The following YTHDC2 variants were observed in gnomAD, a reference collection of about 807,000 sequenced individuals.
The protein encoded by YTHDC2 is 3'-5' RNA helicase YTHDC2.
In YTHDC2, 45 loss-of-function variants were observed where a neutral mutation model predicts 174.9. The ratio of observed to expected loss-of-function variants is 0.26; its 90% CI spans 0.20 to 0.33. YTHDC2 has a LOEUF of 0.33. Among genes scored for constraint, YTHDC2 ranks in the 10% least tolerant of loss-of-function variants. YTHDC2 has a pLI of 1.00. For synonymous variants in YTHDC2, 657 were observed against 574.5 expected (o/e 1.14, Z -2.05); for missense variants, 1,650 against 1,723.7 (o/e 0.96, Z 0.76).
chr5:113,561,609 C>T (rs925132749), intron 18 of YTHDC2, among the ~76,000 whole-genome samples: 3 of 151,674 alleles, frequency 2.0e-5, no homozygotes, highest in African/African-American at 7.3e-5. Flanking sequence ...GCTGGGATTA[C>T]AGGCGCCCAC....
Position 113,566,000 on chromosome 5 carries a change from T to C in YTHDC2, c.2823T>C (p.Leu941=), listed in dbSNP as rs1364972553. ...TCATAGGCATGAGAACACAGTTGCT[T>C]GGTCAACTTAGAGCATCAGGTAAAG... ...EIIIGMRTQL[L]GQLRASGFVR... Residue 941 remains leucine (L), a synonymous_variant, in exon 21 of 30, where the codon CTT becomes CTC. Transcript: ENST00000161863. 1 of 1,610,322 alleles carries C rather than the reference T, an allele frequency of 6.2e-7. No individual in the cohort carries two copies. The highest frequency in any genetic ancestry group is 8.5e-7 in the Non-Finnish European group (1 of 1,178,502).
intron 23 of YTHDC2, among the ~76,000 whole-genome samples, chr5:113,568,114 A>T (rs1264819257): frequency 6.6e-6 from 1 of 152,134 alleles, no homozygotes; most frequent in Non-Finnish European, 1.5e-5. Context: ...TTGAATTTAA[A>T]TGATAGTTTA....
intron 14 of YTHDC2, 29 bp downstream of exon 14, chr5:113,553,715 T>G (rs780898817): frequency 2.5e-6 from 4 of 1,613,084 alleles, no homozygotes; most frequent in Non-Finnish European, 3.4e-6. Flanking sequence ...TATCTGTTGC[T>G]TAAAATAACG....
intron 10 of YTHDC2, among the ~76,000 whole-genome samples, chr5:113,544,718 A>T (rs1445507190): frequency 6.6e-6 from 1 of 151,236 alleles, no homozygotes; most frequent in East Asian, 1.9e-4. Flanking sequence ...GGCTGACTGT[A>T]CCTATTACTT....
intron 4 of YTHDC2, among the ~76,000 whole-genome samples, chr5:113,530,993 A>G (rs949608143): frequency 6.6e-6 from 1 of 151,698 alleles, no homozygotes; most frequent in Non-Finnish European, 1.5e-5. Flanking sequence ...CCGCCCCCCA[A>G]CTCCTTCTCT....
At chr5:113,552,019 T>A (rs1776281645) in intron 12 of YTHDC2, among the ~76,000 whole-genome samples, 1 of 152,110 alleles carries the variant, frequency 6.6e-6, no homozygotes, top group South Asian at 2.1e-4. Context: ...TAGTATAGAA[T>A]TTTCTAATTA....
chr5:113,567,944 T>C, intron 23 of YTHDC2, 95 bp downstream of exon 23: 2 of 993,460 alleles, frequency 2.0e-6, no homozygotes, highest in East Asian at 2.9e-5. Context: ...AATGAAATTA[T>C]AAAGATTTAT....
intron 4 of YTHDC2, among the ~76,000 whole-genome samples, chr5:113,532,630 T>G (rs1216643725): frequency 6.6e-6 from 1 of 152,234 alleles, no homozygotes; most frequent in Non-Finnish European, 1.5e-5. Context: ...TTTTATAATC[T>G]TCATGTAAAC....
chr5:113,570,946 C>G (rs1041228174), intron 23 of YTHDC2, among the ~76,000 whole-genome samples: 1 of 152,204 alleles, frequency 6.6e-6, no homozygotes. Flanking sequence ...AGCCACTGCA[C>G]CCACCCGACG....
intron 27 of YTHDC2, 63 bp from the exon 28 acceptor site, chr5:113,591,933 A>G (rs956726396): frequency 1.0e-4 from 130 of 1,241,682 alleles, no homozygotes; most frequent in Non-Finnish European, 1.2e-4. Context: ...TTCTCAGATA[A>G]ATTAAATTTA....
At position 113,532,867 on chromosome 5, in the gene YTHDC2, C is replaced by CTTT; in HGVS notation, c.676-10_676-8dup. ...TCATGTCATCTTACAGTTTTTAAAA[C>CTTT]TTTTGTTTCAGATTCCTCAGTTCCT... On this transcript the variant is annotated splice_polypyrimidine_tract_variant and intron_variant, in intron 4 of 29. Transcript: ENST00000161863. The CTTT allele has an allele frequency of 6.3e-7, 1 of 1,594,538 alleles. No homozygotes were observed. The highest frequency in any genetic ancestry group is 1.1e-5 in the South Asian group (1 of 88,274).
chr5:113,530,898 A>G (rs1774610703), intron 4 of YTHDC2, among the ~76,000 whole-genome samples: 2 of 152,138 alleles, frequency 1.3e-5, no homozygotes, highest in Admixed American at 6.5e-5. Flanking sequence ...CTCAATTTGT[A>G]TTCATCTGAG....
At chr5:113,570,378 A>G (rs1777639364) in intron 23 of YTHDC2, among the ~76,000 whole-genome samples, 1 of 152,142 alleles carries the variant, frequency 6.6e-6, no homozygotes, top group African/African-American at 2.4e-5. Context: ...CTGCAATTAC[A>G]GGCGTGAGCT....
At position 113,524,981 on chromosome 5, in the gene YTHDC2, A is replaced by G; in HGVS notation, c.279A>G (p.Gly93=). Residue 93 remains glycine (G), a splice_region_variant and synonymous_variant, in exon 3 of 30, where the codon GGA becomes GGG. Coordinates refer to ENST00000161863, the MANE Select transcript of YTHDC2 (RefSeq NM_022828.5). ...QSLGLVSKSK[G]KGANRYLTVK... is the part of the protein sequence containing the mutation. ...ATAAATGATTTTTATTAATATTCAG[A>G]AAGGGAGCAAATAGATACCTAACTG... 6.3e-7 allele frequency: 1 copy of G among 1,586,236 alleles called. No individual in the cohort carries two copies. The highest frequency in any genetic ancestry group is 8.5e-7 in the Non-Finnish European group (1 of 1,169,646).
At chr5:113,543,449 T>A (rs571644715) in intron 10 of YTHDC2, among the ~76,000 whole-genome samples, 1 of 152,350 alleles carries the variant, frequency 6.6e-6, no homozygotes, top group African/African-American at 2.4e-5. Flanking sequence ...CACTTTTCAC[T>A]TCCCCTACTG....
rs1405864191 is a variant in YTHDC2, at chr5:113,563,432, T to A, written c.2382T>A (p.Leu794=). ...APVNCPIADF[L]MKAPEPPPAL... ...TTAATTGTCCCATTGCTGATTTTCT[T>A]ATGAAAGCTCCTGAACCTCCACCAG... The change falls in exon 19 of 30, where the codon CTT becomes CTA. Residue 794 remains leucine (L), a synonymous_variant. Coordinates refer to ENST00000161863, the MANE Select transcript of YTHDC2 (RefSeq NM_022828.5). 6.2e-7 allele frequency: 1 copy of A among 1,611,506 alleles called. No homozygotes were observed. Among genetic ancestry groups the A allele is most frequent in the Non-Finnish European group, 8.5e-7 (1 of 1,178,522 alleles).
At position 113,592,336 on chromosome 5, in the gene YTHDC2, A is replaced by C. The variant is rs773036709; in HGVS notation, c.4212+158A>C. On this transcript the variant is annotated intron_variant, in intron 28 of 29. Coordinates refer to ENST00000161863, the MANE Select transcript of YTHDC2 (RefSeq NM_022828.5). ...GTTTGTAAAAAGATAGTAAAAACCT[A>C]CTTGTAAATGTGTCTGATTGCTCCT... is the stretch of plus-strand genomic sequence containing the variant. The C allele has an allele frequency of 9.6e-6, 6 of 628,202 alleles. No individual in the cohort carries two copies. In the African/African-American group the frequency reaches 1.2e-4, roughly 12 times the overall value. 38.9% of individuals were successfully genotyped at this position (628,202 alleles called of 1,614,324 possible). A position where few individuals can be genotyped will look rare whatever the true frequency, so the allele number is the denominator to read the frequency against.
At chr5:113,533,446 G>A (rs938918559) in intron 5 of YTHDC2, among the ~76,000 whole-genome samples, 1 of 151,948 alleles carries the variant, frequency 6.6e-6, no homozygotes, top group East Asian at 1.9e-4. Flanking sequence ...CTACTCGGGA[G>A]GCTGAGGCAG....
rs1159231684 is a variant in YTHDC2, at chr5:113,579,683, A to C, written c.3342A>C (p.Thr1114=). 1.2e-5 allele frequency: 19 copies of C among 1,606,446 alleles called. No individual in the cohort carries two copies. The highest frequency in any genetic ancestry group is 1.6e-5 in the Non-Finnish European group (19 of 1,176,212). ...ALKLDEWLHF[T]LEPEAASLLL... Reference sequence around the variant, plus strand: ...AACTTGATGAGTGGCTCCATTTCACACTGGAGCCAGAGGTAAGTTGCTTTC... The same window carrying C: ...AACTTGATGAGTGGCTCCATTTCACCCTGGAGCCAGAGGTAAGTTGCTTTC... Residue 1114 remains threonine (T), a synonymous_variant, in exon 24 of 30, where the codon ACA becomes ACC. Transcript: ENST00000161863.
Sources: gnomAD v4.1 joint callset for allele counts (sites outside exome capture counted in the v4.1 genomes callset) on GRCh38, gnomAD v4.1.1 for gene constraint, MANE v1.5 for transcripts, NCBI Gene and HGNC (gene_info 2026-07-23, HGNC 2026-07-21) for gene names.